APCDD1L: variants seen among roughly 807,000 people sequenced by gnomAD.
APCDD1L encodes protein APCDD1-like.
APCDD1L carries 21 observed loss-of-function variants against 24.2 expected under a neutral mutation model. The ratio of observed to expected loss-of-function variants is 0.87; its 90% CI spans 0.61 to 1.25. APCDD1L has a LOEUF of 1.25. Among genes scored for constraint, APCDD1L ranks in the 50% most tolerant of loss-of-function variants. The probability of loss-of-function intolerance (pLI) is 0.00; values close to 1 mark genes in which losing one functional copy is unlikely to be tolerated. For missense variants in APCDD1L, 704 were observed against 711.7 expected, an observed-to-expected ratio of 0.99 and a Z score of 0.12; for synonymous variants, 321 against 323.6, an observed-to-expected ratio of 0.99 and a Z score of 0.09.
chr20:58,493,854 G>A (rs894087285), intron 1 of APCDD1L, among the ~76,000 whole-genome samples: 14 of 152,108 alleles, frequency 9.2e-5, no homozygotes, highest in Non-Finnish European at 1.3e-4. Context: ...CAGAGTTAGG[G>A]GCACCAGTGC....
In APCDD1L at chr20:58,508,420, A is replaced by G. The variant is rs1017234170; in HGVS notation, c.49+6239T>C. 6.6e-6 allele frequency among the ~76,000 whole-genome samples: 1 copy of G among 152,248 alleles called. No homozygotes were observed. The highest frequency in any genetic ancestry group is 1.5e-5 in the Non-Finnish European group (1 of 68,040). On this transcript the variant is annotated intron_variant, in intron 1 of 3. Transcript: ENST00000371149. This position sits in a 1 kb window ranked among gnomAD's most constrained non-coding sequence, Gnocchi z 4.0. The stretch of plus-strand genomic sequence containing the variant: ...AACATGGCTGAGACTGTGTCCATAA[A>G]TCAAGAGAGACTCCAGCTGATGTGC...
At chr20:58,478,176 C>T (rs1252315245) in intron 1 of APCDD1L, among the ~76,000 whole-genome samples, 1 of 152,156 alleles carries the variant, frequency 6.6e-6, no homozygotes, top group Non-Finnish European at 1.5e-5. Flanking sequence ...TTCCTCATTT[C>T]CTGGTGCCAG....
chr20:58,496,222 T>TATGACA (rs1328013644), intron 1 of APCDD1L, among the ~76,000 whole-genome samples: 1 of 152,202 alleles, frequency 6.6e-6, no homozygotes, highest in African/African-American at 2.4e-5. Context: ...GGGGAGGGAC[T>TATGACA]GTGACAGTGG....
intron 1 of APCDD1L, among the ~76,000 whole-genome samples, chr20:58,505,752 A>C (rs1681080844): frequency 6.6e-6 from 1 of 152,202 alleles, no homozygotes; most frequent in African/African-American, 2.4e-5. Flanking sequence ...TTATTTGGAA[A>C]TAAGGTCACT....
At chr20:58,511,144 A>T (rs149965266) in intron 1 of APCDD1L, among the ~76,000 whole-genome samples, 1 of 152,356 alleles carries the variant, frequency 6.6e-6, no homozygotes, top group African/African-American at 2.4e-5. Flanking sequence ...CCACATGCCC[A>T]GGGAGGCTGT....
intron 1 of APCDD1L, among the ~76,000 whole-genome samples, chr20:58,478,130 C>A (rs1478007211): frequency 6.6e-6 from 1 of 152,198 alleles, no homozygotes; most frequent in Non-Finnish European, 1.5e-5. Flanking sequence ...TCTCCTGTGT[C>A]CTTCCTGTAT....
rs1990722732 is a variant in APCDD1L, at chr20:58,515,279, C to G, written c.-572G>C. 4.6e-6 allele frequency: 1 copy of G among 218,642 alleles called. No individual in the cohort carries two copies. The highest frequency in any genetic ancestry group is 8.9e-6 in the Non-Finnish European group (1 of 112,308). 13.5% of individuals were successfully genotyped at this position (218,642 alleles called of 1,614,324 possible). On this transcript the variant is annotated 5_prime_UTR_variant, in exon 1 of 4. Transcript: ENST00000371149. ...AAAGTCGCGTCAACTTGGATCCCAG[C>G]AAACCCAGAAGCGCAGTGAAAGTGG...
At chr20:58,485,588 T>C (rs1482066508) in intron 1 of APCDD1L, among the ~76,000 whole-genome samples, 1 of 152,228 alleles carries the variant, frequency 6.6e-6, no homozygotes, top group African/African-American at 2.4e-5. Context: ...TCACTCTGGC[T>C]CAAGTCACCA....
Position 58,467,676 on chromosome 20 carries a change from G to C in APCDD1L, c.189-18C>G. On this transcript the variant is annotated intron_variant, in intron 2 of 3. Coordinates refer to ENST00000371149, the MANE Select transcript of APCDD1L (RefSeq NM_153360.3). The surrounding 1 kb of genome is among the most constrained non-coding windows in gnomAD (Gnocchi z 5.9). ...CCTCGCAGCTGCAGGGGTGGAAGGA[G>C]ATGGGCTGGGTGCAGAGGGAACACC... 1 of 1,475,838 alleles carries C rather than the reference G, an allele frequency of 6.8e-7. No homozygotes were observed. Among genetic ancestry groups the C allele is most frequent in the South Asian group, 1.4e-5 (1 of 70,716 alleles). The allele number at this position is 1,475,838 out of a possible 1,614,324, so 91.4% of individuals were successfully genotyped here. A position where few individuals can be genotyped will look rare whatever the true frequency, so the allele number is the denominator to read the frequency against.
rs1424188764 is a variant in APCDD1L, at chr20:58,514,807, G to C, written c.-100C>G. On this transcript the variant is annotated 5_prime_UTR_variant, in exon 1 of 4. Transcript: ENST00000371149. ...GGACGGCTGCGGGCGCCGGCGGCCA[G>C]GCTGGAGTCCTGCGAAGAAGTTGCG... 18 of 995,174 alleles carry C rather than the reference G, an allele frequency of 1.8e-5. No individual in the cohort carries two copies. The highest frequency in any genetic ancestry group is 2.4e-5 in the Non-Finnish European group (18 of 761,464). 61.6% of individuals were successfully genotyped at this position (995,174 alleles called of 1,614,324 possible). A position where few individuals can be genotyped will look rare whatever the true frequency, so the allele number is the denominator to read the frequency against.
chr20:58,482,397 G>T (rs1251075837), intron 1 of APCDD1L, among the ~76,000 whole-genome samples: 2 of 152,184 alleles, frequency 1.3e-5, no homozygotes, highest in Non-Finnish European at 2.9e-5. Flanking sequence ...CATATAAATA[G>T]AATCCCAAAG....
intron 1 of APCDD1L, among the ~76,000 whole-genome samples, chr20:58,504,937 C>A (rs932373257): frequency 6.6e-6 from 1 of 152,178 alleles, no homozygotes; most frequent in Non-Finnish European, 1.5e-5. Flanking sequence ...CATTTCTAAC[C>A]AGCCTCTCTT....
chr20:58,480,607 T>C (rs1035674790), intron 1 of APCDD1L, among the ~76,000 whole-genome samples: 3 of 151,988 alleles, frequency 2.0e-5, no homozygotes, highest in Non-Finnish European at 4.4e-5. Context: ...TGAGGATAAC[T>C]CCCCGAGGCC....
At chr20:58,492,847 C>T (rs1990245682) in intron 1 of APCDD1L, among the ~76,000 whole-genome samples, 1 of 152,062 alleles carries the variant, frequency 6.6e-6, no homozygotes, top group African/African-American at 2.4e-5. Context: ...TGCAAGCACG[C>T]ATACATGCAC....
chr20:58,474,746 G>A (rs911574045), intron 1 of APCDD1L, among the ~76,000 whole-genome samples: 4 of 152,058 alleles, frequency 2.6e-5, no homozygotes, highest in Non-Finnish European at 5.9e-5. Context: ...AACAGGCACC[G>A]TTTTAACCAT....
At chr20:58,475,376 G>A (rs950331950) in intron 1 of APCDD1L, among the ~76,000 whole-genome samples, 6 of 152,172 alleles carry the variant, frequency 3.9e-5, no homozygotes, top group African/African-American at 1.4e-4. Context: ...CGGTTTTAGA[G>A]GGTGTTAAAA....
At chr20:58,482,860 G>C (rs1194530715) in intron 1 of APCDD1L, among the ~76,000 whole-genome samples, 1 of 152,144 alleles carries the variant, frequency 6.6e-6, no homozygotes, top group Non-Finnish European at 1.5e-5. Flanking sequence ...TAAACCCCTA[G>C]CCTCCTTCCA....
intron 1 of APCDD1L, among the ~76,000 whole-genome samples, chr20:58,513,456 AG>A (rs1008647760): frequency 2.0e-5 from 3 of 151,972 alleles, no homozygotes; most frequent in Non-Finnish European, 4.4e-5. Flanking sequence ...CAAACTGCGG[AG>A]GCACCCTCCC....
chr20:58,503,567 A>G (rs1029879399), intron 1 of APCDD1L, among the ~76,000 whole-genome samples: 15 of 152,214 alleles, frequency 9.9e-5, no homozygotes, highest in Non-Finnish European at 4.4e-5. Context: ...TACTTTTGGA[A>G]AAGAGTAGAG....
Sources: allele counts gnomAD v4.1 joint callset (sites outside exome capture counted in the v4.1 genomes callset), GRCh38; gene constraint gnomAD v4.1.1; non-coding constraint Gnocchi (gnomAD v3.1); transcripts MANE v1.5; gene names NCBI Gene and HGNC (gene_info 2026-07-23, HGNC 2026-07-21).